LRRTM4: variants seen among roughly 807,000 people sequenced by gnomAD.
The protein encoded by LRRTM4 is leucine rich repeat transmembrane neuronal 4.
Under a neutral mutation model 47.6 loss-of-function variants are expected in LRRTM4, and 25 were observed. The observed-to-expected ratio is 0.53, with a 90% CI of 0.38 to 0.73. The LOEUF is 0.73. LRRTM4 is among the 30% of genes least tolerant of loss of function. The probability of loss-of-function intolerance (pLI) is 0.00; values close to 1 mark genes in which losing one functional copy is unlikely to be tolerated. For synonymous variants in LRRTM4, 311 were observed against 269.5 expected, an observed-to-expected ratio of 1.15 and a Z score of -1.51; for missense variants, 638 against 713.4, an observed-to-expected ratio of 0.89 and a Z score of 1.20.
At chr2:76,854,704 T>G (rs184408520) in intron 3 of LRRTM4, among the ~76,000 whole-genome samples, 2 of 152,316 alleles carry the variant, frequency 1.3e-5, no homozygotes, top group African/African-American at 4.8e-5. Context: ...AACTTAGATG[T>G]CGCTACTTAC....
At chr2:77,245,164 C>A (rs1158846964) in intron 3 of LRRTM4, among the ~76,000 whole-genome samples, 1 of 151,950 alleles carries the variant, frequency 6.6e-6, no homozygotes, top group Non-Finnish European at 1.5e-5. Context: ...TGAGAAAGTT[C>A]TAAGAAGGCA....
At chr2:77,109,711 T>TA (rs1227046064) in intron 3 of LRRTM4, among the ~76,000 whole-genome samples, 6 of 151,484 alleles carry the variant, frequency 4.0e-5, no homozygotes, top group East Asian at 3.9e-4. Flanking sequence ...AACATAGAAT[T>TA]AAAAAAAATA....
intron 3 of LRRTM4, among the ~76,000 whole-genome samples, chr2:77,378,268 T>C (rs867107771): frequency 6.6e-6 from 1 of 152,212 alleles, no homozygotes; most frequent in South Asian, 2.1e-4. Flanking sequence ...TTCTCCACTT[T>C]ATTAACCTGC....
chr2:76,792,205 T>A (rs1045365533), intron 3 of LRRTM4, among the ~76,000 whole-genome samples: 1 of 152,094 alleles, frequency 6.6e-6, no homozygotes. Flanking sequence ...ACCTGTAGTA[T>A]AATTATGTTT....
chr2:77,330,168 T>G (rs960843611), intron 3 of LRRTM4, among the ~76,000 whole-genome samples: 32 of 152,088 alleles, frequency 2.1e-4, no homozygotes, highest in African/African-American at 6.8e-4. Flanking sequence ...TAAATGTCAC[T>G]TGAAGAGGAG....
chr2:76,858,742 G>A (rs2103999721), intron 3 of LRRTM4, among the ~76,000 whole-genome samples: 1 of 152,304 alleles, frequency 6.6e-6, no homozygotes, highest in South Asian at 2.1e-4. Flanking sequence ...ACTAGCCAGA[G>A]AATATGGATC....
chr2:76,855,956 TGACA>T (rs1025263279), intron 3 of LRRTM4, among the ~76,000 whole-genome samples: 7 of 152,262 alleles, frequency 4.6e-5, no homozygotes, highest in Admixed American at 1.3e-4. Flanking sequence ...AGAAATAAAC[TGACA>T]GTCAGTCACT....
At chr2:77,127,156 T>A (rs1671670158) in intron 3 of LRRTM4, among the ~76,000 whole-genome samples, 1 of 152,226 alleles carries the variant, frequency 6.6e-6, no homozygotes, top group South Asian at 2.1e-4. Flanking sequence ...TCAGTTTAGA[T>A]GTCACTTACT....
intron 3 of LRRTM4, among the ~76,000 whole-genome samples, chr2:77,485,910 G>C (rs1221401321): frequency 8.9e-6 from 1 of 111,860 alleles, no homozygotes; most frequent in Non-Finnish European, 2.0e-5. Context: ...TTTTTTTTTT[G>C]TATTTTTAGG....
intron 3 of LRRTM4, among the ~76,000 whole-genome samples, chr2:76,779,705 C>T (rs1480875183): frequency 1.3e-5 from 2 of 151,936 alleles, no homozygotes; most frequent in Non-Finnish European, 2.9e-5. Context: ...TGGGTCTTGA[C>T]TCTTTATCCA....
At chr2:77,292,629 T>C (rs1360566949) in intron 3 of LRRTM4, among the ~76,000 whole-genome samples, 1 of 140,082 alleles carries the variant, frequency 7.1e-6, no homozygotes, top group Non-Finnish European at 1.5e-5. Flanking sequence ...GTCTCACTCA[T>C]AGGTGGGAAC....
chr2:76,760,397 GAAAAGTGGCAAGGAAGGAA>G (rs1673209496), intron 3 of LRRTM4, among the ~76,000 whole-genome samples: 1 of 152,142 alleles, frequency 6.6e-6, no homozygotes, highest in South Asian at 2.1e-4. Context: ...GGAGATGTGT[GAAAAGTGGCAAGGAAGGAA>G]AGAAGAGGGA....
chr2:76,815,017 G>A (rs1387213293), intron 3 of LRRTM4, among the ~76,000 whole-genome samples: 1 of 152,050 alleles, frequency 6.6e-6, no homozygotes, highest in Non-Finnish European at 1.5e-5. Flanking sequence ...GTGGCGGGGT[G>A]GAGATGAGAA....
At chr2:77,443,654 T>C (rs1675933515) in intron 3 of LRRTM4, among the ~76,000 whole-genome samples, 1 of 152,126 alleles carries the variant, frequency 6.6e-6, no homozygotes, top group Non-Finnish European at 1.5e-5. Context: ...ATATGAAGCA[T>C]TTTTAATTCC....
chr2:77,196,527 T>C (rs543852711), intron 3 of LRRTM4, among the ~76,000 whole-genome samples: 1 of 152,220 alleles, frequency 6.6e-6, no homozygotes, highest in East Asian at 1.9e-4. Context: ...GCAGATCACT[T>C]AAGGTCAGGA....
At position 77,190,382 on chromosome 2, in the gene LRRTM4, G is replaced by A. The variant is rs1275357708; in HGVS notation, c.1551+327936C>T. The stretch of plus-strand genomic sequence containing the variant: ...ACGATCTTGGCTCACTGCAACCTCC[G>A]CCTCCCAGTTCAAGCAATTCTCTTG... On this transcript the variant is annotated intron_variant, in intron 3 of 3. Transcript: ENST00000409884. 4.2e-5 allele frequency among the ~76,000 whole-genome samples: 6 copies of A among 142,588 alleles called. No individual in the cohort carries two copies. The East Asian group carries it at 6.3e-4, about 15-fold the overall frequency. 93.5% of individuals were successfully genotyped at this position (142,588 alleles called of 152,430 possible).
intron 3 of LRRTM4, among the ~76,000 whole-genome samples, chr2:76,811,547 A>C (rs570842058): frequency 1.3e-5 from 2 of 152,238 alleles, no homozygotes; most frequent in South Asian, 2.1e-4. Flanking sequence ...GGAAAAACCT[A>C]TTCCCTTTGG....
At chr2:76,763,358 G>T (rs934136883) in intron 3 of LRRTM4, among the ~76,000 whole-genome samples, 5 of 152,192 alleles carry the variant, frequency 3.3e-5, no homozygotes, top group Non-Finnish European at 7.3e-5. Context: ...CACAAGGTGG[G>T]TTCCTGATCT....
chr2:77,298,652 A>T (rs1481029556), intron 3 of LRRTM4, among the ~76,000 whole-genome samples: 1 of 152,210 alleles, frequency 6.6e-6, no homozygotes, highest in African/African-American at 2.4e-5. Flanking sequence ...AGAGATGAAA[A>T]GTATTGTGAT....
Sources: allele counts gnomAD v4.1 joint callset (sites outside exome capture counted in the v4.1 genomes callset), GRCh38; gene constraint gnomAD v4.1.1; transcripts MANE v1.5; gene names NCBI Gene and HGNC (gene_info 2026-07-23, HGNC 2026-07-21).